TSHZ2: variants seen among roughly 807,000 people sequenced by gnomAD.
The protein encoded by TSHZ2 is teashirt zinc finger homeobox 2.
TSHZ2 carries 21 observed loss-of-function variants against 74.4 expected under a neutral mutation model. The ratio of observed to expected loss-of-function variants is 0.28; its 90% CI spans 0.20 to 0.41. TSHZ2 has a LOEUF of 0.41. Ranked by LOEUF, TSHZ2 falls within the 10% of genes least tolerant of loss-of-function variation. The pLI is 1.00. For synonymous variants in TSHZ2, 540 were observed against 515.3 expected (o/e 1.05, Z -0.65); for missense variants, 1,244 against 1,293.5 (o/e 0.96, Z 0.59).
intron 1 of TSHZ2, among the ~76,000 whole-genome samples, chr20:53,160,763 A>C (rs866484837): frequency 6.7e-5 from 10 of 150,376 alleles, no homozygotes; most frequent in Non-Finnish European, 1.3e-4. Flanking sequence ...AAAAAAAAAA[A>C]GACATTTCAG....
At chr20:53,386,948 G>A (rs775695617) in intron 2 of TSHZ2, among the ~76,000 whole-genome samples, 21 of 151,860 alleles carry the variant, frequency 1.4e-4, no homozygotes, top group Non-Finnish European at 2.5e-4. Context: ...ATATATGAAA[G>A]GGATATAAAT....
At chr20:53,085,649 A>C (rs183141465) in intron 1 of TSHZ2, among the ~76,000 whole-genome samples, 1 of 152,320 alleles carries the variant, frequency 6.6e-6, no homozygotes, top group East Asian at 1.9e-4. Flanking sequence ...TTTTACACAT[A>C]AGGAAATGAA....
chr20:53,036,972 C>T (rs1326672337), intron 1 of TSHZ2, among the ~76,000 whole-genome samples: 1 of 151,770 alleles, frequency 6.6e-6, no homozygotes, highest in East Asian at 1.9e-4. Context: ...TTAATAGCTG[C>T]TGAATATTTC....
At chr20:52,989,624 C>T (rs1981901572) in intron 1 of TSHZ2, among the ~76,000 whole-genome samples, 1 of 152,066 alleles carries the variant, frequency 6.6e-6, no homozygotes, top group Non-Finnish European at 1.5e-5. Flanking sequence ...AAAGGTGATA[C>T]TTATTACATA....
In TSHZ2 at chr20:52,972,895, C is replaced by T. The variant is rs1981174109; in HGVS notation, c.-399C>T. On this transcript the variant is annotated 5_prime_UTR_variant, in exon 1 of 3. Transcript: ENST00000371497. ...GTGTGCGCCCCTCGTCCCTTCCATC[C>T]GAACCCGGGCTTGGATGTTTAATAA... 1 of 242,246 alleles carries T rather than the reference C, an allele frequency of 4.1e-6. No individual in the cohort carries two copies. Among genetic ancestry groups the T allele is most frequent in the African/African-American group, 2.3e-5 (1 of 43,380 alleles). 15.0% of individuals were successfully genotyped at this position (242,246 alleles called of 1,614,324 possible).
At position 52,973,036 on chromosome 20, in the gene TSHZ2, A is replaced by G; in HGVS notation, c.-258A>G. 2.4e-6 allele frequency: 1 copy of G among 412,048 alleles called. No homozygotes were observed. Among genetic ancestry groups the G allele is most frequent in the Non-Finnish European group, 4.3e-6 (1 of 233,534 alleles). 25.5% of individuals were successfully genotyped at this position (412,048 alleles called of 1,614,324 possible). On this transcript the variant is annotated 5_prime_UTR_variant, in exon 1 of 3. Coordinates refer to ENST00000371497, the MANE Select transcript of TSHZ2 (RefSeq NM_173485.6). ...AGGAAAAAAAATTCAAAATAAACAA[A>G]CAAACAAACAAGGCAGAACCAACCT...
intron 2 of TSHZ2, among the ~76,000 whole-genome samples, chr20:53,259,383 A>T (rs1990554077): frequency 6.6e-6 from 1 of 152,264 alleles, no homozygotes; most frequent in African/African-American, 2.4e-5. Flanking sequence ...TTCGTTAAAA[A>T]TTTCATTAGA....
chr20:53,373,442 G>A (rs978188158), intron 2 of TSHZ2, among the ~76,000 whole-genome samples: 1 of 151,988 alleles, frequency 6.6e-6, no homozygotes, highest in Admixed American at 6.6e-5. Context: ...ATATTTAAAT[G>A]GCCTTTCTTC....
chr20:53,054,681 CA>C (rs1467268368), intron 1 of TSHZ2, among the ~76,000 whole-genome samples: 2 of 152,114 alleles, frequency 1.3e-5, no homozygotes, highest in African/African-American at 4.8e-5. Flanking sequence ...ATAAAATTTG[CA>C]AAAGTAAGAT....
chr20:53,200,274 A>G (rs1473716464), intron 1 of TSHZ2, among the ~76,000 whole-genome samples: 1 of 152,148 alleles, frequency 6.6e-6, no homozygotes, highest in Non-Finnish European at 1.5e-5. Context: ...GCAGTGTCAC[A>G]TGACCAACCA....
At chr20:53,419,026 T>C (rs1052492859) in intron 2 of TSHZ2, among the ~76,000 whole-genome samples, 2 of 152,224 alleles carry the variant, frequency 1.3e-5, no homozygotes, top group Non-Finnish European at 2.9e-5. Context: ...TCCTGTGCAA[T>C]GAAGCAGCTC....
At position 53,210,130 on chromosome 20, in the gene TSHZ2, A is replaced by C. The variant is rs553134344; in HGVS notation, c.41-43369A>C. Among the ~76,000 whole-genome samples, 13 of 152,374 alleles carry C rather than the reference A, an allele frequency of 8.5e-5. No homozygotes were observed. The South Asian group carries it at 2.7e-3, about 32-fold the overall frequency. On this transcript the variant is annotated intron_variant, in intron 1 of 2. Transcript: ENST00000371497. ...GCCTGTTGGGTCGTTGCCACTGCTC[A>C]AACCCCTGAGGGGTGGGGGAGCACG...
intron 1 of TSHZ2, among the ~76,000 whole-genome samples, chr20:53,012,803 C>T (rs944280369): frequency 9.9e-5 from 15 of 152,130 alleles, no homozygotes; most frequent in African/African-American, 1.4e-4. Context: ...TGGCCCTTCC[C>T]GGCTTCTCTC....
intron 1 of TSHZ2, among the ~76,000 whole-genome samples, chr20:53,023,538 G>A (rs1364675660): frequency 6.6e-6 from 1 of 152,048 alleles, no homozygotes; most frequent in East Asian, 1.9e-4. Flanking sequence ...CTAAGTGGTG[G>A]AAGATGTGAC....
chr20:53,236,906 G>T (rs1350273073), intron 1 of TSHZ2, among the ~76,000 whole-genome samples: 1 of 152,128 alleles, frequency 6.6e-6, no homozygotes, highest in Admixed American at 6.5e-5. Context: ...CAGGGGAACT[G>T]CCCCCATAAT....
intron 1 of TSHZ2, among the ~76,000 whole-genome samples, chr20:53,077,456 T>A (rs536695679): frequency 1.3e-5 from 2 of 150,510 alleles, no homozygotes; most frequent in East Asian, 3.9e-4. Context: ...ATCTGTACAG[T>A]TGGAGCTGTG....
rs1362901302 is a variant in TSHZ2, at chr20:52,972,902, G to T, written c.-392G>T. ...CCCCTCGTCCCTTCCATCCGAACCC[G>T]GGCTTGGATGTTTAATAAAGAAATC... On this transcript the variant is annotated 5_prime_UTR_variant, in exon 1 of 3. Transcript: ENST00000371497. The T allele has an allele frequency of 4.0e-6, 1 of 250,378 alleles. No homozygotes were observed. Among genetic ancestry groups the T allele is most frequent in the Non-Finnish European group, 7.4e-6 (1 of 134,324 alleles). 15.5% of individuals were successfully genotyped at this position (250,378 alleles called of 1,614,324 possible).
At chr20:53,050,103 GTATATATATA>G (rs71897861) in intron 1 of TSHZ2, among the ~76,000 whole-genome samples, 3 of 116,068 alleles carry the variant, frequency 2.6e-5, no homozygotes, top group Admixed American at 1.7e-4. Context: ...GTATATGTGT[GTATATATATA>G]TATATATATA....
Position 53,256,501 on chromosome 20 carries a change from A to G in TSHZ2, c.3043A>G (p.Lys1015Glu), listed in dbSNP as rs370622878. ...ACATGCGGTAAAACTCCACCTAAGC[A>G]AAACGCACAGCAAGTCACCCGAACA... ...SKHAVKLHLSKTHSKSPEHHS... is the reference protein window; with the variant it reads ...SKHAVKLHLSETHSKSPEHHS... Residue 1015 changes from lysine (K) to glutamate (E), a missense_variant, in exon 2 of 3, where the codon AAA (lysine) becomes GAA (glutamate). Lys to Glu is a moderately conservative substitution (Grantham distance 56). This residue lies in a region of TSHZ2 where 185 missense variants were observed against 213.3 expected (regional missense o/e 0.87). Transcript: ENST00000371497. This position sits in a 1 kb window ranked among gnomAD's most constrained non-coding sequence, Gnocchi z 4.3. 6.2e-7 allele frequency: 1 copy of G among 1,612,776 alleles called. No homozygotes were observed. Among genetic ancestry groups the G allele is most frequent in the African/African-American group, 1.3e-5 (1 of 74,926 alleles).
Sources: gnomAD v4.1 joint callset for allele counts (sites outside exome capture counted in the v4.1 genomes callset) on GRCh38, gnomAD v4.1.1 for gene constraint, gnomAD v4.1.1 regional missense constraint, Gnocchi (gnomAD v3.1) non-coding constraint, MANE v1.5 for transcripts, NCBI Gene and HGNC (gene_info 2026-07-23, HGNC 2026-07-21) for gene names.